The following PCDH15 variants were observed in gnomAD, a reference collection of about 807,000 sequenced individuals.
The protein encoded by PCDH15 is protocadherin-15.
In PCDH15, 129 loss-of-function variants were observed where a neutral mutation model predicts 178.5. The observed-to-expected ratio is 0.72, with a 90% CI of 0.63 to 0.84. The LOEUF is 0.84. Ranked by LOEUF, PCDH15 falls within the 40% of genes least tolerant of loss-of-function variation. PCDH15 has a pLI of 0.00. For missense variants in PCDH15, 2,230 were observed against 2,099.9 expected (o/e 1.06, Z -1.21); for synonymous variants, 800 against 732.0 (o/e 1.09, Z -1.50).
chr10:54,093,079 T>A (rs538587956), intron 15 of PCDH15, among the ~76,000 whole-genome samples: 1 of 100,388 alleles, frequency 1.0e-5, no homozygotes, highest in South Asian at 2.5e-4. Context: ...ATGAGAACAC[T>A]GTATTTATAT....
At chr10:54,290,254 GA>G (rs1388523029) in intron 8 of PCDH15, among the ~76,000 whole-genome samples, 3 of 152,158 alleles carry the variant, frequency 2.0e-5, no homozygotes, top group Non-Finnish European at 4.4e-5. Context: ...CGTTCTTAAA[GA>G]AAAGAATTTT....
intron 2 of PCDH15, among the ~76,000 whole-genome samples, chr10:55,546,473 TTGAG>T (rs1841884817): frequency 6.6e-6 from 1 of 152,150 alleles, no homozygotes; most frequent in African/African-American, 2.4e-5. Flanking sequence ...TTATATATTA[TTGAG>T]TGTCATTTAT....
chr10:55,180,592 A>G (rs1293670127), intron 1 of PCDH15, among the ~76,000 whole-genome samples: 2 of 152,284 alleles, frequency 1.3e-5, no homozygotes, highest in East Asian at 3.9e-4. Context: ...CATAGAGTGC[A>G]ATAACTCAGG....
intron 1 of PCDH15, among the ~76,000 whole-genome samples, chr10:54,669,536 G>T (rs920944444): frequency 2.7e-5 from 4 of 148,310 alleles, no homozygotes; most frequent in African/African-American, 1.0e-4. Context: ...TGATATTATC[G>T]CCCACTTTTT....
intron 2 of PCDH15, among the ~76,000 whole-genome samples, chr10:54,555,870 A>G (rs941101105): frequency 6.6e-6 from 1 of 152,172 alleles, no homozygotes; most frequent in African/African-American, 2.4e-5. Flanking sequence ...ACTCAAATTG[A>G]AGATCTACTG....
chr10:55,565,293 G>A (rs190586838), intron 2 of PCDH15, among the ~76,000 whole-genome samples: 8 of 151,656 alleles, frequency 5.3e-5, no homozygotes, highest in Admixed American at 2.6e-4. Flanking sequence ...CAAGTATTTC[G>A]AAATAAATGA....
chr10:54,268,835 G>T (rs1263085973), intron 8 of PCDH15, among the ~76,000 whole-genome samples: 1 of 151,858 alleles, frequency 6.6e-6, no homozygotes, highest in Non-Finnish European at 1.5e-5. Flanking sequence ...ATTGATTTAA[G>T]ATATTTTTTG....
At chr10:55,576,167 T>C (rs1472987293) in intron 2 of PCDH15, among the ~76,000 whole-genome samples, 1 of 152,222 alleles carries the variant, frequency 6.6e-6, no homozygotes, top group African/African-American at 2.4e-5. Flanking sequence ...AATAGTTGAC[T>C]GGAAGTCGGT....
chr10:55,379,202 C>T (rs939027530), intron 2 of PCDH15, among the ~76,000 whole-genome samples: 6 of 151,884 alleles, frequency 4.0e-5, no homozygotes, highest in African/African-American at 1.5e-4. Flanking sequence ...TGCCTTTCCC[C>T]TACAGATGTA....
At chr10:54,348,931 C>G (rs193231098) in intron 5 of PCDH15, among the ~76,000 whole-genome samples, 6 of 152,212 alleles carry the variant, frequency 3.9e-5, no homozygotes, top group Admixed American at 3.3e-4. Flanking sequence ...ATCTGAATAT[C>G]TGTGCTTGGC....
At chr10:55,374,529 A>T (rs1291285133) in intron 2 of PCDH15, among the ~76,000 whole-genome samples, 1 of 152,112 alleles carries the variant, frequency 6.6e-6, no homozygotes, top group Non-Finnish European at 1.5e-5. Flanking sequence ...ACAGATGCCA[A>T]GTAGAATAGC....
In PCDH15 at chr10:55,113,414, TA is replaced by T. The variant is rs937325132; in HGVS notation, c.-80+53161del. ...AGGTTTTTACATGCAAGTTCCATGC[TA>T]AAAAAAAAAAAGGAAGAATTATATT... On this transcript the variant is annotated intron_variant, in intron 2 of 5. Transcript: ENST00000458638. Among the ~76,000 whole-genome samples the T allele has an allele frequency of 2.9e-3, 407 of 138,606 alleles. 1 individual carries two copies. Among genetic ancestry groups the T allele is most frequent in the Middle Eastern group, 7.4e-3 (2 of 272 alleles). 90.9% of individuals were successfully genotyped at this position (138,606 alleles called of 152,430 possible).
chr10:55,258,378 C>T (rs1842059482), intron 1 of PCDH15, among the ~76,000 whole-genome samples: 1 of 152,152 alleles, frequency 6.6e-6, no homozygotes, highest in South Asian at 2.1e-4. Context: ...GTGCAAGACA[C>T]CAGAGGTGGC....
intron 1 of PCDH15, among the ~76,000 whole-genome samples, chr10:54,769,880 T>C (rs2133251190): frequency 6.6e-6 from 1 of 152,282 alleles, no homozygotes; most frequent in African/African-American, 2.4e-5. Context: ...CAAATACCTT[T>C]TTGTCTGTAG....
intron 2 of PCDH15, among the ~76,000 whole-genome samples, chr10:55,600,303 G>C (rs1454915423): frequency 6.6e-6 from 1 of 151,910 alleles, no homozygotes; most frequent in East Asian, 2.0e-4. Context: ...AGCAGAGCTT[G>C]CAGTGAGCGG....
chr10:54,227,342 T>A (rs2053566841), intron 9 of PCDH15, among the ~76,000 whole-genome samples: 1 of 152,250 alleles, frequency 6.6e-6, no homozygotes, highest in Non-Finnish European at 1.5e-5. Flanking sequence ...TTGTGGAAGC[T>A]GCTGAAGCTT....
chr10:54,996,525 T>C (rs1435170594), intron 2 of PCDH15, among the ~76,000 whole-genome samples: 1 of 152,178 alleles, frequency 6.6e-6, no homozygotes, highest in Non-Finnish European at 1.5e-5. Context: ...CAGTGTTCTA[T>C]CCCAGAATAC....
chr10:54,988,617 TG>T (rs1301830814), intron 2 of PCDH15, among the ~76,000 whole-genome samples: 5 of 152,190 alleles, frequency 3.3e-5, no homozygotes, highest in Admixed American at 2.0e-4. Context: ...CCTAGAGATT[TG>T]TGGAATTTTG....
At chr10:54,898,110 T>G (rs757776486) in intron 2 of PCDH15, among the ~76,000 whole-genome samples, 1 of 152,052 alleles carries the variant, frequency 6.6e-6, no homozygotes, top group Non-Finnish European at 1.5e-5. Context: ...GTCTGGTTGT[T>G]TAAAAGTGTG....
Sources: gnomAD v4.1 joint callset for allele counts (sites outside exome capture counted in the v4.1 genomes callset) on GRCh38, gnomAD v4.1.1 for gene constraint, MANE v1.5 for transcripts, NCBI Gene and HGNC (gene_info 2026-07-23, HGNC 2026-07-21) for gene names.